The following AATK variants were observed in gnomAD, a reference collection of about 807,000 sequenced individuals.
AATK encodes lemur tail kinase 1.
AATK carries 91 observed loss-of-function variants against 114.3 expected under a neutral mutation model. That is an observed-to-expected ratio of 0.80 (90% CI 0.67 to 0.95). The LOEUF (loss-of-function observed/expected upper bound fraction) is 0.95, where lower values mean the gene tolerates loss of function less well. Ranked by LOEUF, AATK falls within the 40% of genes least tolerant of loss-of-function variation. AATK has a pLI of 0.00. For missense variants in AATK, 2,176 were observed against 1,965.2 expected (o/e 1.11, Z -2.03); for synonymous variants, 1,075 against 916.5 (o/e 1.17, Z -3.12).
Position 81,120,340 on chromosome 17 carries a change from G to A in AATK, c.3596C>T (p.Ala1199Val). The A allele has an allele frequency of 6.2e-7, 1 of 1,610,384 alleles. No homozygotes were observed. Among genetic ancestry groups the A allele is most frequent in the Non-Finnish European group, 8.5e-7 (1 of 1,179,260 alleles). The change falls in exon 11 of 14, where the codon GCT becomes GTT. Residue 1199 changes from alanine (A) to valine (V), a missense_variant. Transcript: ENST00000326724. The stretch of plus-strand genomic sequence containing the variant: ...CAGGTTGCGCGCGCTCTGGCTCTCA[G>A]CCACCACCACGGGCACCGCCGGCGC... ...EEAPAVPVVV[A>V]ESQSARNLRS... is the part of the protein sequence containing the mutation.
At chr17:81,138,275 G>A (rs1285087505) in intron 1 of AATK, among the ~76,000 whole-genome samples, 3 of 132,820 alleles carry the variant, frequency 2.3e-5, no homozygotes, top group African/African-American at 5.8e-5. Flanking sequence ...CCACATGCAC[G>A]TGCACACCCA....
chr17:81,122,851 T>C, intron 10 of AATK, 28 bp from the exon 11 acceptor site: 1 of 1,430,196 alleles, frequency 7.0e-7, no homozygotes, highest in Non-Finnish European at 9.2e-7. Flanking sequence ...GGGGGCCACG[T>C]CAGAGGCAAC....
intron 3 of AATK, 44 bp from the exon 4 acceptor site, chr17:81,128,593 A>AC: frequency 6.5e-7 from 1 of 1,546,488 alleles, no homozygotes; most frequent in Non-Finnish European, 8.7e-7. Context: ...TGGCCTCCGC[A>AC]CCCCCCAGCT....
intron 1 of AATK, among the ~76,000 whole-genome samples, chr17:81,141,386 G>A (rs1162143753): frequency 6.6e-6 from 1 of 152,228 alleles, no homozygotes; most frequent in Non-Finnish European, 1.5e-5. Flanking sequence ...AGGAGACGGA[G>A]GTTGCGGTGA....
Position 81,137,853 on chromosome 17 carries a change from A to G in AATK, c.56-3352T>C, listed in dbSNP as rs369887593. Among the ~76,000 whole-genome samples the G allele has an allele frequency of 1.1e-4, 17 of 152,088 alleles. No homozygotes were observed. In the South Asian group the frequency reaches 2.9e-3, roughly 26 times the overall value. On this transcript the variant is annotated intron_variant, in intron 1 of 13. Coordinates refer to ENST00000326724, the MANE Select transcript of AATK (RefSeq NM_001080395.3). ...CACACACACATATGCATGTGTATAT[A>G]TCACACGTGTGCACACCCATACCCG... is the stretch of plus-strand genomic sequence containing the variant.
chr17:81,151,509 G>C (rs953237919), intron 1 of AATK, among the ~76,000 whole-genome samples: 4 of 152,140 alleles, frequency 2.6e-5, no homozygotes, highest in African/African-American at 9.7e-5. Flanking sequence ...ACGCGACCCA[G>C]TTCTTCAGAG....
chr17:81,123,331 C>A lies in AATK; in HGVS notation c.975G>T (p.Val325=). The change falls in exon 10 of 14, where the codon GTG becomes GTT. Residue 325 remains valine (V), a synonymous_variant. Coordinates refer to ENST00000326724, the MANE Select transcript of AATK (RefSeq NM_001080395.3). ...CCAGCTCAAAGAGCTCCCAGATGGT[C>A]ACGCCCAGGGACCTGTGGGGCGACA... The part of the protein sequence containing the change: ...TKSGNVWSLG[V]TIWELFELGT... 7.2e-7 allele frequency: 1 copy of A among 1,379,498 alleles called. No homozygotes were observed. The highest frequency in any genetic ancestry group is 1.7e-5 in the South Asian group (1 of 59,342). The allele number at this position is 1,379,498 out of a possible 1,614,324, so 85.5% of individuals were successfully genotyped here.
Position 81,119,415 on chromosome 17 carries a change from G to A in AATK, c.4049C>T (p.Thr1350Met), listed in dbSNP as rs765481531. ...SPAPTSRFSI[T>M]HVSDSDAESK... The stretch of plus-strand genomic sequence containing the variant: ...CTCGGCGTCCGAGTCAGACACGTGC[G>A]TGATGGAGAAGCGGGACGTGGGCGC... The change falls in exon 13 of 14, where the codon ACG becomes ATG. Residue 1350 changes from threonine (T) to methionine (M), a missense_variant. Transcript: ENST00000326724. The A allele has an allele frequency of 3.9e-6, 6 of 1,545,252 alleles. No individual in the cohort carries two copies. In the South Asian group the frequency reaches 7.1e-5, roughly 18 times the overall value.
At chr17:81,124,142 G>A (rs1193872739) in intron 9 of AATK, among the ~76,000 whole-genome samples, 4 of 151,288 alleles carry the variant, frequency 2.6e-5, no homozygotes, top group Admixed American at 6.6e-5. Context: ...GAAGCAGAAG[G>A]CGGCCAGACC....
Position 81,155,870 on chromosome 17 carries a change from A to G in AATK, c.55+10068T>C, listed in dbSNP as rs2061355267. 2.7e-5 allele frequency among the ~76,000 whole-genome samples: 4 copies of G among 150,420 alleles called. No homozygotes were observed. The South Asian group carries it at 8.4e-4, about 32-fold the overall frequency. On this transcript the variant is annotated intron_variant, in intron 1 of 13. Coordinates refer to ENST00000326724, the MANE Select transcript of AATK (RefSeq NM_001080395.3). The stretch of plus-strand genomic sequence containing the variant: ...CTGGCTAATTTTTTATTTTTTGTAG[A>G]GATGCGGTCTCGTGTTGCCCAAGCT...
At chr17:81,142,677 G>C (rs1455545951) in intron 1 of AATK, among the ~76,000 whole-genome samples, 2 of 152,184 alleles carry the variant, frequency 1.3e-5, no homozygotes, top group Admixed American at 1.3e-4. Flanking sequence ...TTGGGGTGGA[G>C]ACACCCCCAC....
chr17:81,119,350 C>CCTACCTCTCGCGTGCG (rs1312470580), intron 13 of AATK, 30 bp downstream of exon 13: 3 of 1,548,020 alleles, frequency 1.9e-6, no homozygotes, highest in Non-Finnish European at 2.6e-6. Flanking sequence ...TCCCGCGTGC[C>CCTACCTCTCGCGTGCG]CTTCTGCCAC....
intron 12 of AATK, 84 bp from the exon 13 acceptor site, chr17:81,119,664 C>T: frequency 1.6e-6 from 1 of 620,326 alleles, no homozygotes; most frequent in Non-Finnish European, 2.2e-6. Flanking sequence ...GGCCCAGGCC[C>T]CGCCTCCCAT....
At chr17:81,131,876 G>C (rs369383131) in intron 2 of AATK, 119 of 1,314,952 alleles carry the variant, frequency 9.0e-5, no homozygotes, top group Non-Finnish European at 1.1e-4. Flanking sequence ...AGAGCCAACC[G>C]GCCACCTTTA....
chr17:81,119,256 A>AGGAGCGGGGCCGGGAAGGAGCGGAGC (rs1555689415), intron 13 of AATK, 124 bp downstream of exon 13: 3 of 948,300 alleles, frequency 3.2e-6, no homozygotes, highest in African/African-American at 4.0e-5. Context: ...GGGGCCGGGA[A>AGGAGCGGGGCCGGGAAGGAGCGGAGC]GGAGCGGAGC....
At chr17:81,132,670 C>G in intron 2 of AATK, 1 of 318,038 alleles carries the variant, frequency 3.1e-6, no homozygotes, top group Non-Finnish European at 6.5e-6. Context: ...TGCCCGGGGG[C>G]CAGCCGGGTC....
intron 1 of AATK, among the ~76,000 whole-genome samples, chr17:81,149,977 G>A (rs937667523): frequency 6.6e-6 from 1 of 152,130 alleles, no homozygotes; most frequent in African/African-American, 2.4e-5. Flanking sequence ...TAACAAGTGA[G>A]TCCTCATGCT....
chr17:81,120,803 C>G lies in AATK; in HGVS notation c.3133G>C (p.Gly1045Arg). Residue 1045 changes from glycine to arginine, a missense_variant, in exon 11 of 14, where the codon GGG (glycine) becomes CGG (arginine). Around this residue, in one of 4 missense-constraint regions of AATK, gnomAD observed 1,701 missense variants for 1,394.7 expected, o/e 1.22. Coordinates refer to ENST00000326724, the MANE Select transcript of AATK (RefSeq NM_001080395.3). ...EQVCLRPGVSGEAQGSGPGEV... is the reference protein window; with the variant it reads ...EQVCLRPGVSREAQGSGPGEV... ...CCGGGGCCAGAGCCTTGTGCCTCCC[C>G]GGAAACCCCAGGCCTGAGACAGACC... The G allele has an allele frequency of 1.3e-6, 2 of 1,570,162 alleles. No individual in the cohort carries two copies. Among genetic ancestry groups the G allele is most frequent in the South Asian group, 2.3e-5 (2 of 85,658 alleles).
At chr17:81,153,900 G>C (rs915406363) in intron 1 of AATK, among the ~76,000 whole-genome samples, 1 of 152,028 alleles carries the variant, frequency 6.6e-6, no homozygotes, top group Non-Finnish European at 1.5e-5. Flanking sequence ...GTGAAACCCC[G>C]TCTCCACTAA....
Sources: allele counts gnomAD v4.1 joint callset (sites outside exome capture counted in the v4.1 genomes callset), GRCh38; gene constraint gnomAD v4.1.1; regional missense constraint gnomAD v4.1.1; transcripts MANE v1.5; gene names NCBI Gene and HGNC (gene_info 2026-07-23, HGNC 2026-07-21).